Variants in GRIK1 observed in about 807,000 individuals in gnomAD.
GRIK1 encodes the protein glutamate receptor ionotropic, kainate 1.
In GRIK1, 69 loss-of-function variants were observed where a neutral mutation model predicts 105.7. The observed-to-expected ratio is 0.65, with a 90% CI of 0.54 to 0.80. The LOEUF is 0.80. GRIK1 is among the 30% of genes least tolerant of loss of function. GRIK1 has a pLI of 0.00. For missense variants in GRIK1, 1,109 were observed against 1,167.3 expected (o/e 0.95, Z 0.73); for synonymous variants, 438 against 431.3 (o/e 1.02, Z -0.19).
intron 1 of GRIK1, among the ~76,000 whole-genome samples, chr21:29,887,646 TG>T (rs888399817): frequency 2.0e-5 from 3 of 152,180 alleles, no homozygotes; most frequent in African/African-American, 7.2e-5. Context: ...GTTGCTTGCT[TG>T]GGTCCAGCTG....
At chr21:29,723,244 A>G (rs1015204828) in intron 1 of GRIK1, among the ~76,000 whole-genome samples, 1 of 152,260 alleles carries the variant, frequency 6.6e-6, no homozygotes, top group African/African-American at 2.4e-5. Flanking sequence ...TCTTTAATTT[A>G]AAATTTGAGA....
intron 1 of GRIK1, among the ~76,000 whole-genome samples, chr21:29,870,065 A>T (rs1280095159): frequency 2.0e-5 from 3 of 152,120 alleles, no homozygotes. Context: ...AATATTTGGG[A>T]CATGCTTATA....
At chr21:29,888,160 T>TC (rs1174816992) in intron 1 of GRIK1, among the ~76,000 whole-genome samples, 11 of 13,062 alleles carry the variant, frequency 8.4e-4, no homozygotes, top group African/African-American at 3.2e-3. Context: ...CCTCCTTTCT[T>TC]TTTTCTTTCT....
Position 29,728,125 on chromosome 21 carries a change from C to T in GRIK1, c.119-34062G>A, listed in dbSNP as rs370255690. Among the ~76,000 whole-genome samples the T allele has an allele frequency of 9.2e-5, 14 of 152,306 alleles. No individual in the cohort carries two copies. The East Asian group carries it at 2.5e-3, about 27-fold the overall frequency. On this transcript the variant is annotated intron_variant, in intron 1 of 17. Coordinates refer to ENST00000327783, the MANE Select transcript of GRIK1 (RefSeq NM_001330994.2). The stretch of plus-strand genomic sequence containing the variant: ...ACACCCAGAAATAATGGTTTATCAG[C>T]TACCCAGGTATTCCTTAGCTCAATC...
chr21:29,826,527 C>A lies in GRIK1; in HGVS notation c.118+112856G>T, dbSNP rs1601793727. On this transcript the variant is annotated intron_variant, in intron 1 of 17. Coordinates refer to ENST00000327783, the MANE Select transcript of GRIK1 (RefSeq NM_001330994.2). ...CCTTGAGCAAGAAGGAATTCTGCAG[C>A]AGATGGCCTTCAGATTTAAAAGGAA... Among the ~76,000 whole-genome samples the A allele has an allele frequency of 2.0e-5, 3 of 152,188 alleles. No individual in the cohort carries two copies. The South Asian group carries it at 6.2e-4, about 32-fold the overall frequency.
intron 1 of GRIK1, among the ~76,000 whole-genome samples, chr21:29,707,442 C>CCTTCCTTCCTT (rs2063936502): frequency 3.0e-4 from 1 of 3,304 alleles, no homozygotes; most frequent in African/African-American, 5.3e-4. Context: ...CTCCCTCCCT[C>CCTTCCTTCCTT]CCTCCCTCCC....
At chr21:29,824,756 A>T (rs2067402585) in intron 1 of GRIK1, among the ~76,000 whole-genome samples, 1 of 152,000 alleles carries the variant, frequency 6.6e-6, no homozygotes, top group Non-Finnish European at 1.5e-5. Context: ...CATGGTAAGG[A>T]TTTCGCCTTA....
chr21:29,618,305 T>G (rs991304120), intron 7 of GRIK1, among the ~76,000 whole-genome samples: 3 of 152,044 alleles, frequency 2.0e-5, no homozygotes, highest in Admixed American at 6.6e-5. Context: ...CAAACCACAA[T>G]GCGATACCAC....
intron 7 of GRIK1, among the ~76,000 whole-genome samples, chr21:29,603,404 A>C (rs1330894997): frequency 2.0e-5 from 3 of 152,122 alleles, no homozygotes; most frequent in Non-Finnish European, 4.4e-5. Context: ...AAGGGAGACC[A>C]TAATACCAAA....
At chr21:29,574,986 G>A (rs893172975) in intron 14 of GRIK1, among the ~76,000 whole-genome samples, 2 of 151,826 alleles carry the variant, frequency 1.3e-5, no homozygotes, top group African/African-American at 4.8e-5. Flanking sequence ...GAGCCACCGC[G>A]CCCGGCCTAA....
At chr21:29,833,972 T>C (rs1340048330) in intron 1 of GRIK1, among the ~76,000 whole-genome samples, 1 of 152,210 alleles carries the variant, frequency 6.6e-6, no homozygotes, top group Non-Finnish European at 1.5e-5. Flanking sequence ...ATTTTATGTA[T>C]AAAATTAATT....
intron 1 of GRIK1, among the ~76,000 whole-genome samples, chr21:29,729,264 C>T (rs1161253090): frequency 6.6e-6 from 1 of 152,098 alleles, no homozygotes; most frequent in Non-Finnish European, 1.5e-5. Flanking sequence ...TGAGGCTGGG[C>T]ATTTCTTATT....
At chr21:29,868,018 CAGAA>C (rs1295202291) in intron 1 of GRIK1, among the ~76,000 whole-genome samples, 8 of 122,876 alleles carry the variant, frequency 6.5e-5, no homozygotes, top group East Asian at 2.9e-4. Flanking sequence ...AAAGAAAAGA[CAGAA>C]AGAAAGGAAG....
At chr21:29,623,005 G>C (rs2062040199) in intron 7 of GRIK1, among the ~76,000 whole-genome samples, 2 of 152,124 alleles carry the variant, frequency 1.3e-5, no homozygotes, top group South Asian at 4.2e-4. Flanking sequence ...GTAACAAATT[G>C]ACTGCCTATC....
intron 7 of GRIK1, among the ~76,000 whole-genome samples, chr21:29,614,601 T>A (rs187312449): frequency 6.6e-6 from 1 of 151,014 alleles, no homozygotes; most frequent in East Asian, 1.9e-4. Context: ...TTAGTAGAGA[T>A]GGGGTTTCTC....
chr21:29,779,406 G>C (rs1448129278), intron 1 of GRIK1, among the ~76,000 whole-genome samples: 1 of 150,122 alleles, frequency 6.7e-6, no homozygotes, highest in African/African-American at 2.5e-5. Flanking sequence ...GTGTGTAAGG[G>C]AGCTTATGAT....
In GRIK1 at chr21:29,678,851, C is replaced by T. The variant is rs573994579; in HGVS notation, c.545-5687G>A. On this transcript the variant is annotated intron_variant, in intron 3 of 17. Transcript: ENST00000327783. The stretch of plus-strand genomic sequence containing the variant: ...TTGGCACTGACTGTGTATAGCACAT[C>T]TTGCATTTTAGCTTGACTACTCATG... 3.9e-5 allele frequency among the ~76,000 whole-genome samples: 6 copies of T among 152,274 alleles called. No individual in the cohort carries two copies. The South Asian group carries it at 6.2e-4, about 16-fold the overall frequency.
intron 4 of GRIK1, among the ~76,000 whole-genome samples, chr21:29,671,513 T>A (rs2226333): frequency 6.6e-6 from 1 of 151,832 alleles, no homozygotes; most frequent in East Asian, 1.9e-4. Context: ...CTGAACTCAA[T>A]GGCTGCATGG....
chr21:29,833,126 A>G (rs2067688569), intron 1 of GRIK1, among the ~76,000 whole-genome samples: 1 of 152,172 alleles, frequency 6.6e-6, no homozygotes, highest in Non-Finnish European at 1.5e-5. Context: ...AAGAAAAGTG[A>G]CCTTTGCTTT....
Sources: gnomAD v4.1 joint callset for allele counts (sites outside exome capture counted in the v4.1 genomes callset) on GRCh38, gnomAD v4.1.1 for gene constraint, MANE v1.5 for transcripts, NCBI Gene and HGNC (gene_info 2026-07-23, HGNC 2026-07-21) for gene names.